Variants in SYNPR observed in about 807,000 individuals in gnomAD.
The protein encoded by SYNPR is synaptoporin.
In SYNPR, 23 loss-of-function variants were observed where a neutral mutation model predicts 32.9. That is an observed-to-expected ratio of 0.70 (90% CI 0.50 to 0.99). The LOEUF is 0.99. Among genes scored for constraint, SYNPR ranks in the 50% least tolerant of loss-of-function variants. The pLI, the probability that SYNPR is intolerant of heterozygous loss-of-function variation, is 0.00. For synonymous variants in SYNPR, 146 were observed against 135.9 expected, an observed-to-expected ratio of 1.07 and a Z score of -0.52; for missense variants, 318 against 349.3, an observed-to-expected ratio of 0.91 and a Z score of 0.71.
intron 2 of SYNPR, among the ~76,000 whole-genome samples, chr3:63,425,595 A>T: frequency 6.6e-6 from 1 of 152,034 alleles, no homozygotes; most frequent in Non-Finnish European, 1.5e-5. Context: ...ATTTTCATTG[A>T]ATTCTTAGGC....
intron 3 of SYNPR, among the ~76,000 whole-genome samples, chr3:63,502,645 C>A (rs1701504747): frequency 6.6e-6 from 1 of 152,144 alleles, no homozygotes; most frequent in Non-Finnish European, 1.5e-5. Flanking sequence ...TGAAGTCATA[C>A]AGTATGTAGC....
At chr3:63,270,749 G>A (rs2086527193) in intron 3 of SYNPR, among the ~76,000 whole-genome samples, 4 of 152,128 alleles carry the variant, frequency 2.6e-5, no homozygotes, top group Admixed American at 2.6e-4. Context: ...AGTGTTATAA[G>A]GAGCTTATCA....
intron 2 of SYNPR, among the ~76,000 whole-genome samples, chr3:63,440,429 T>C (rs1700149807): frequency 6.6e-6 from 1 of 152,208 alleles, no homozygotes; most frequent in South Asian, 2.1e-4. Context: ...ATGAGTGATA[T>C]GATCTAATTT....
At chr3:63,453,499 C>A (rs1700420733) in intron 2 of SYNPR, among the ~76,000 whole-genome samples, 1 of 152,142 alleles carries the variant, frequency 6.6e-6, no homozygotes, top group Non-Finnish European at 1.5e-5. Flanking sequence ...TGTCTTCAAA[C>A]ACCAAGAGAA....
chr3:63,392,335 C>T (rs1267374014), intron 2 of SYNPR, among the ~76,000 whole-genome samples: 1 of 152,140 alleles, frequency 6.6e-6, no homozygotes, highest in Non-Finnish European at 1.5e-5. Flanking sequence ...TACACAAACT[C>T]TTCAAATTAT....
chr3:63,286,805 A>C (rs545500869), intron 2 of SYNPR, among the ~76,000 whole-genome samples: 1 of 152,194 alleles, frequency 6.6e-6, no homozygotes, highest in Non-Finnish European at 1.5e-5. Context: ...TCTCCTGCCT[A>C]TAGTGTTGAA....
At position 63,489,981 on chromosome 3, in the gene SYNPR, G is replaced by A. The variant is rs147483654; in HGVS notation, c.209+9025G>A. Among the ~76,000 whole-genome samples the A allele has an allele frequency of 7.3e-3, 1,116 of 152,282 alleles. 9 individuals are homozygous for A. Among genetic ancestry groups the A allele is most frequent in the African/African-American group, 0.025 (1,051 of 41,564 alleles). ...CATGAGACACCAAAGAGGCAGGGAT[G>A]CAATCCCAGTAGGTATCAGGTAATG... On this transcript the variant is annotated intron_variant, in intron 3 of 5. Transcript: ENST00000478300.
At chr3:63,219,574 C>G in the SYNPR span, among the ~76,000 whole-genome samples, 5 of 152,150 alleles carry the variant, frequency 3.3e-5, no homozygotes, top group Non-Finnish European at 2.9e-5. Context: ...TAACTAATAG[C>G]CTACTGCTGA....
intron 3 of SYNPR, among the ~76,000 whole-genome samples, chr3:63,503,798 A>G (rs1248593064): frequency 6.6e-6 from 1 of 152,132 alleles, no homozygotes; most frequent in African/African-American, 2.4e-5. Flanking sequence ...ACAACAAATA[A>G]TGTTAGAATT....
At chr3:63,321,646 G>A (rs1288961954) in intron 2 of SYNPR, among the ~76,000 whole-genome samples, 1 of 152,034 alleles carries the variant, frequency 6.6e-6, no homozygotes, top group Non-Finnish European at 1.5e-5. Context: ...TACATAGCAG[G>A]TGCTTATTAT....
At chr3:63,524,853 A>G (rs6778094) in intron 3 of SYNPR, among the ~76,000 whole-genome samples, 4,454 of 66,222 alleles carry the variant, frequency 0.067, 214 homozygotes, top group African/African-American at 0.17. Flanking sequence ...GTGTGTGTGC[A>G]TGTGTGTGTG....
intron 2 of SYNPR, among the ~76,000 whole-genome samples, chr3:63,419,120 T>C (rs971929639): frequency 1.3e-5 from 2 of 152,178 alleles, no homozygotes; most frequent in African/African-American, 4.8e-5. Flanking sequence ...ATTTGAGACA[T>C]CATGGGAAGG....
chr3:63,543,627 T>C (rs147378561), intron 3 of SYNPR, among the ~76,000 whole-genome samples: 6 of 152,250 alleles, frequency 3.9e-5, no homozygotes, highest in East Asian at 3.9e-4. Flanking sequence ...ATCAGTGTCA[T>C]TGACCTCATT....
chr3:63,278,034 T>G (rs2086592911), upstream of SYNPR: 1 of 153,760 alleles, frequency 6.5e-6, no homozygotes, highest in Non-Finnish European at 1.4e-5. Context: ...AAAGTGTGGG[T>G]GTCTTCCTCC....
At chr3:63,553,083 T>C (rs1702530853) in intron 3 of SYNPR, among the ~76,000 whole-genome samples, 1 of 152,148 alleles carries the variant, frequency 6.6e-6, no homozygotes, top group South Asian at 2.1e-4. Context: ...TTTCAACCCA[T>C]GTCCTCTTGC....
intron 2 of SYNPR, among the ~76,000 whole-genome samples, chr3:63,425,610 G>A (rs768681806): frequency 1.3e-5 from 2 of 151,962 alleles, no homozygotes; most frequent in Non-Finnish European, 2.9e-5. Flanking sequence ...TTAGGCTCTG[G>A]GATCTGCCTG....
At chr3:63,498,392 C>T (rs1701412458) in intron 3 of SYNPR, among the ~76,000 whole-genome samples, 1 of 152,016 alleles carries the variant, frequency 6.6e-6, no homozygotes, top group Non-Finnish European at 1.5e-5. Context: ...CATGGAGCTT[C>T]ATGTTGTAGT....
intron 2 of SYNPR, among the ~76,000 whole-genome samples, chr3:63,253,109 G>C (rs1319004323): frequency 6.6e-6 from 1 of 151,392 alleles, no homozygotes; most frequent in Non-Finnish European, 1.5e-5. Context: ...AAAATATTTG[G>C]CAAGTCCATT....
chr3:63,287,658 A>T (rs1184146685), intron 2 of SYNPR, among the ~76,000 whole-genome samples: 1 of 152,242 alleles, frequency 6.6e-6, no homozygotes, highest in African/African-American at 2.4e-5. Context: ...AAATGAGAGA[A>T]GAAGGAGGGA....
Sources: allele counts gnomAD v4.1 joint callset (sites outside exome capture counted in the v4.1 genomes callset), GRCh38; gene constraint gnomAD v4.1.1; transcripts MANE v1.5; gene names NCBI Gene and HGNC (gene_info 2026-07-23, HGNC 2026-07-21).